Variants in ZNF609 observed in about 807,000 individuals in gnomAD.
The protein encoded by ZNF609 is zinc finger protein 609.
ZNF609 carries 11 observed loss-of-function variants against 109.5 expected under a neutral mutation model. That is an observed-to-expected ratio of 0.10 (90% confidence interval 0.06 to 0.17). ZNF609 has a LOEUF of 0.17. Ranked by LOEUF, ZNF609 falls within the 10% of genes least tolerant of loss-of-function variation. The probability of loss-of-function intolerance (pLI) is 1.00; values close to 1 mark genes in which losing one functional copy is unlikely to be tolerated. For missense variants in ZNF609, 1,559 were observed against 1,772.4 expected (o/e 0.88, Z 2.16); for synonymous variants, 646 against 662.0 (o/e 0.98, Z 0.37).
chr15:64,680,942 C>A, intron 8 of ZNF609, 80 bp downstream of exon 8: 1 of 1,484,866 alleles, frequency 6.7e-7, no homozygotes, highest in Non-Finnish European at 9.1e-7. Context: ...ATGTCCACAG[C>A]TAGGACCCTC....
chr15:64,642,855 T>A (rs1896283201), intron 3 of ZNF609, among the ~76,000 whole-genome samples: 1 of 152,138 alleles, frequency 6.6e-6, no homozygotes, highest in South Asian at 2.1e-4. Flanking sequence ...TTTTAAATGG[T>A]TTTCAGATAA....
intron 3 of ZNF609, among the ~76,000 whole-genome samples, chr15:64,653,355 C>G (rs371094917): frequency 2.0e-5 from 3 of 152,104 alleles, no homozygotes; most frequent in South Asian, 4.2e-4. Context: ...TTATAAACTT[C>G]CTGGAAGCGC....
At chr15:64,563,997 C>T (rs1894733472) in intron 2 of ZNF609, among the ~76,000 whole-genome samples, 1 of 152,018 alleles carries the variant, frequency 6.6e-6, no homozygotes. Context: ...GATTCTCCTG[C>T]CTTAGCCTCC....
chr15:64,496,449 G>T (rs1215839181), intron 1 of ZNF609, among the ~76,000 whole-genome samples: 1 of 152,182 alleles, frequency 6.6e-6, no homozygotes, highest in African/African-American at 2.4e-5. Flanking sequence ...AGCCACAATT[G>T]CAAAGATTAG....
intron 2 of ZNF609, among the ~76,000 whole-genome samples, chr15:64,549,874 C>T (rs1725867958): frequency 6.6e-6 from 1 of 152,190 alleles, no homozygotes; most frequent in Non-Finnish European, 1.5e-5. Context: ...CAGCTTCAGT[C>T]TCCTGTACCC....
chr15:64,652,066 GTC>G (rs1037991221), intron 3 of ZNF609, among the ~76,000 whole-genome samples: 4 of 152,080 alleles, frequency 2.6e-5, no homozygotes, highest in Non-Finnish European at 5.9e-5. Flanking sequence ...TAGAGACCAA[GTC>G]TCTCTCTGTC....
intron 2 of ZNF609, among the ~76,000 whole-genome samples, chr15:64,582,698 CTCTTTCTT>C: frequency 6.9e-6 from 1 of 144,824 alleles, no homozygotes; most frequent in African/African-American, 2.6e-5. Context: ...TATCCATTCA[CTCTTTCTT>C]TCTTTCTTTC....
At chr15:64,667,637 A>G (rs1896668939) in intron 3 of ZNF609, among the ~76,000 whole-genome samples, 1 of 152,052 alleles carries the variant, frequency 6.6e-6, no homozygotes, top group Non-Finnish European at 1.5e-5. Flanking sequence ...ACTTGAACCC[A>G]GGAGGTGGAG....
intron 2 of ZNF609, among the ~76,000 whole-genome samples, chr15:64,559,514 T>G (rs1423475872): frequency 6.6e-6 from 1 of 152,212 alleles, no homozygotes; most frequent in African/African-American, 2.4e-5. Flanking sequence ...GCGTGAGGTA[T>G]TCCCAATTCT....
intron 3 of ZNF609, among the ~76,000 whole-genome samples, chr15:64,655,110 T>TATAGC (rs956258676): frequency 9.3e-6 from 1 of 108,016 alleles, no homozygotes; most frequent in African/African-American, 3.5e-5. Flanking sequence ...AAAAAAAAAG[T>TATAGC]ATAGCACCAA....
At chr15:64,483,633 A>G (rs1270734022) in intron 1 of ZNF609, among the ~76,000 whole-genome samples, 2 of 150,438 alleles carry the variant, frequency 1.3e-5, no homozygotes, top group Non-Finnish European at 3.0e-5. Flanking sequence ...TGACCCTCCC[A>G]CCTTGGCCTC....
Position 64,680,593 on chromosome 15 carries a change from G to A in ZNF609, c.3946-53G>A, listed in dbSNP as rs1159148996. 9.6e-6 allele frequency: 13 copies of A among 1,360,556 alleles called. No individual in the cohort carries two copies. In the South Asian group the frequency reaches 1.6e-4, roughly 17 times the overall value. 84.3% of individuals were successfully genotyped at this position (1,360,556 alleles called of 1,614,324 possible). On this transcript the variant is annotated intron_variant, in intron 7 of 9. Coordinates refer to ENST00000326648, the MANE Select transcript of ZNF609 (RefSeq NM_015042.2). ...TGTGTGTGTGTGTGTGTGTGTGGTT[G>A]TATGCATATGTGTCTCACTATAGTG...
chr15:64,617,111 A>G (rs1895812322), intron 2 of ZNF609, among the ~76,000 whole-genome samples: 1 of 151,912 alleles, frequency 6.6e-6, no homozygotes, highest in African/African-American at 2.4e-5. Context: ...TCCGGCCTTA[A>G]ACTGCTATGT....
At chr15:64,661,619 A>G (rs574090032) in intron 3 of ZNF609, among the ~76,000 whole-genome samples, 6 of 152,192 alleles carry the variant, frequency 3.9e-5, no homozygotes, top group Non-Finnish European at 7.4e-5. Flanking sequence ...ATATTCAGGT[A>G]CACTTCATCT....
upstream of ZNF609, among the ~76,000 whole-genome samples, chr15:64,460,415 C>CT (rs1892918927): frequency 6.6e-6 from 1 of 152,196 alleles, no homozygotes; most frequent in African/African-American, 2.4e-5. Context: ...CTAAGACTCC[C>CT]TAATCTGGGC....
At position 64,515,795 on chromosome 15, in the gene ZNF609, G is replaced by A. The variant is rs916331412; in HGVS notation, c.747+15629G>A. Among the ~76,000 whole-genome samples the A allele has an allele frequency of 4.6e-5, 7 of 152,070 alleles. No homozygotes were observed. In the South Asian group the frequency reaches 8.3e-4, roughly 18 times the overall value. On this transcript the variant is annotated intron_variant, in intron 2 of 9. Coordinates refer to ENST00000326648, the MANE Select transcript of ZNF609 (RefSeq NM_015042.2). ...CTACTAAAAATACAAAAAATTAGCCGGTCGTGGTGGCACACGCCTGTAATC... is the reference window on the plus strand; with the variant it reads ...CTACTAAAAATACAAAAAATTAGCCAGTCGTGGTGGCACACGCCTGTAATC...
intron 2 of ZNF609, among the ~76,000 whole-genome samples, chr15:64,599,168 GTTTTTTTTTTTTTT>G (rs556122154): frequency 8.6e-5 from 4 of 46,494 alleles, no homozygotes; most frequent in Non-Finnish European, 1.7e-4. Flanking sequence ...TTTTGTGGTG[GTTTTTTTTTTTTTT>G]TTTTTTTTTT....
At chr15:64,516,698 C>T (rs1463435162) in intron 2 of ZNF609, among the ~76,000 whole-genome samples, 1 of 152,098 alleles carries the variant, frequency 6.6e-6, no homozygotes, top group African/African-American at 2.4e-5. Flanking sequence ...TTAAAGAAAA[C>T]TTAGATTTTA....
chr15:64,513,078 C>T (rs1408911305), intron 2 of ZNF609, among the ~76,000 whole-genome samples: 1 of 152,006 alleles, frequency 6.6e-6, no homozygotes, highest in Admixed American at 6.6e-5. Context: ...GTTTTTAGTA[C>T]TGGTACATGC....
Sources: gnomAD v4.1 joint callset for allele counts (sites outside exome capture counted in the v4.1 genomes callset) on GRCh38, gnomAD v4.1.1 for gene constraint, MANE v1.5 for transcripts, NCBI Gene and HGNC (gene_info 2026-07-23, HGNC 2026-07-21) for gene names.